CDK8: variants seen among roughly 807,000 people sequenced by gnomAD.
The protein encoded by CDK8 is cyclin dependent kinase 8.
CDK8 carries 29 observed loss-of-function variants against 71.5 expected under a neutral mutation model. The observed-to-expected ratio is 0.41, with a 90% CI of 0.30 to 0.55. The LOEUF (loss-of-function observed/expected upper bound fraction) is 0.55. CDK8 is among the 20% of genes least tolerant of loss of function. The pLI, the probability that CDK8 is intolerant of heterozygous loss-of-function variation, is 0.37. For synonymous variants in CDK8, 161 were observed against 192.1 expected (o/e 0.84, Z 1.34); for missense variants, 288 against 572.6 (o/e 0.50, Z 5.07).
chr13:26,340,120 A>G (rs1873178869), intron 2 of CDK8, among the ~76,000 whole-genome samples: 2 of 152,146 alleles, frequency 1.3e-5, no homozygotes, highest in Admixed American at 1.3e-4. Flanking sequence ...AATGATATTG[A>G]ATTTTATCAA....
intron 1 of CDK8, among the ~76,000 whole-genome samples, chr13:26,274,659 CTGA>C (rs1566467057): frequency 2.0e-5 from 3 of 152,112 alleles, no homozygotes; most frequent in Non-Finnish European, 4.4e-5. Context: ...TCTCATTCTC[CTGA>C]CCTCGTGATC....
At chr13:26,284,328 AAAAC>A (rs1488299335) in intron 1 of CDK8, among the ~76,000 whole-genome samples, 2 of 149,842 alleles carry the variant, frequency 1.3e-5, no homozygotes, top group Non-Finnish European at 2.9e-5. Context: ...CAGATAAACA[AAAAC>A]AAAAGATAAA....
At chr13:26,337,452 A>G in intron 1 of CDK8, 115 bp from the exon 2 acceptor site, 1 of 380,434 alleles carries the variant, frequency 2.6e-6, no homozygotes, top group Non-Finnish European at 4.6e-6. Flanking sequence ...GTATGATTAT[A>G]TTGAATAATG....
rs2138080205 is a variant in CDK8, at chr13:26,404,136, C to T, written c.*55C>T. ...TGCGAATGCTGCAGGGCTGACTGTG[C>T]AGCTCTCTGCGGGAACCTGGTATGG... On this transcript the variant is annotated 3_prime_UTR_variant, in exon 13 of 13. Transcript: ENST00000381527. The T allele has an allele frequency of 3.1e-6, 5 of 1,596,274 alleles. No homozygotes were observed. In the South Asian group the frequency reaches 5.6e-5, roughly 18 times the overall value.
intron 1 of CDK8, among the ~76,000 whole-genome samples, chr13:26,256,561 C>G (rs914140707): frequency 6.6e-6 from 1 of 152,032 alleles, no homozygotes; most frequent in Non-Finnish European, 1.5e-5. Context: ...TTTGTTTTAA[C>G]GTTGTACATT....
At chr13:26,268,277 A>ACACGCG (rs960263419) in intron 1 of CDK8, among the ~76,000 whole-genome samples, 2 of 149,840 alleles carry the variant, frequency 1.3e-5, no homozygotes, top group African/African-American at 4.9e-5. Flanking sequence ...ACACACACAC[A>ACACGCG]CACACACACA....
intron 1 of CDK8, among the ~76,000 whole-genome samples, chr13:26,277,564 G>C (rs960757408): frequency 6.6e-6 from 1 of 152,264 alleles, no homozygotes; most frequent in Admixed American, 6.5e-5. Flanking sequence ...AAGGAGAAAG[G>C]TACCATAGTA....
rs1395367671 is a variant in CDK8, at chr13:26,275,760, T to C, written c.128+20991T>C. ...TTATAAAGGTAGTTTAAATTTTTTA[T>C]TGCTGATTTTTTAGCTTGCTGTCTT... On this transcript the variant is annotated intron_variant, in intron 1 of 12. Transcript: ENST00000381527. Among the ~76,000 whole-genome samples the C allele has an allele frequency of 2.0e-5, 3 of 152,364 alleles. No homozygotes were observed. The East Asian group carries it at 5.8e-4, about 29-fold the overall frequency.
Position 26,401,525 on chromosome 13 carries a change from T to C in CDK8, c.1170T>C (p.Asn390=). ...CTAATGGAACTGGCCACCCAGGGAATCAAGACAGCAGTCACACACAGGGAC... is the reference window on the plus strand; with the variant it reads ...CTAATGGAACTGGCCACCCAGGGAACCAAGACAGCAGTCACACACAGGGAC... ...NHTNGTGHPG[N]QDSSHTQGPP... Residue 390 remains asparagine (N), a synonymous_variant, in exon 12 of 13, where the codon AAT becomes AAC. Coordinates refer to ENST00000381527, the MANE Select transcript of CDK8 (RefSeq NM_001260.3). The surrounding 1 kb of genome is among the most constrained non-coding windows in gnomAD (Gnocchi z 4.5). The C allele has an allele frequency of 6.2e-7, 1 of 1,614,144 alleles. No individual in the cohort carries two copies. The highest frequency in any genetic ancestry group is 1.3e-5 in the African/African-American group (1 of 75,030).
intron 4 of CDK8, among the ~76,000 whole-genome samples, chr13:26,376,487 A>T (rs973071202): frequency 1.6e-4 from 24 of 152,202 alleles, no homozygotes; most frequent in Admixed American, 1.5e-3. Flanking sequence ...AAATATATAC[A>T]CATGTTAATA....
At chr13:26,336,442 C>T (rs1872986221) in intron 1 of CDK8, among the ~76,000 whole-genome samples, 1 of 151,428 alleles carries the variant, frequency 6.6e-6, no homozygotes, top group African/African-American at 2.4e-5. Flanking sequence ...TATAATAAAC[C>T]AAAGCTTGTC....
intron 6 of CDK8, among the ~76,000 whole-genome samples, chr13:26,388,045 T>C (rs1253867218): frequency 6.6e-6 from 1 of 152,234 alleles, no homozygotes; most frequent in Non-Finnish European, 1.5e-5. Context: ...TTCTTGTTAC[T>C]GTGCAGTTAC....
intron 1 of CDK8, among the ~76,000 whole-genome samples, chr13:26,327,958 G>GC (rs1352941902): frequency 7.9e-6 from 1 of 127,386 alleles, no homozygotes; most frequent in Admixed American, 9.8e-5. Context: ...ATATTTAAGA[G>GC]CTGTCTTTTT....
intron 2 of CDK8, 29 bp downstream of exon 2, chr13:26,337,671 T>C (rs566209182): frequency 9.0e-7 from 1 of 1,107,264 alleles, no homozygotes; most frequent in Non-Finnish European, 1.3e-6. Context: ...ATCATCGTTA[T>C]TATCAACTGA....
chr13:26,260,914 C>T (rs965824980), intron 1 of CDK8, among the ~76,000 whole-genome samples: 1 of 152,186 alleles, frequency 6.6e-6, no homozygotes, highest in Non-Finnish European at 1.5e-5. Flanking sequence ...TGAATCCAAT[C>T]CTCATTGTCT....
intron 2 of CDK8, among the ~76,000 whole-genome samples, chr13:26,344,842 G>A (rs895724327): frequency 6.6e-6 from 1 of 151,980 alleles, no homozygotes; most frequent in African/African-American, 2.4e-5. Flanking sequence ...GGACCTGCCT[G>A]AGGATATTTT....
chr13:26,336,977 T>C (rs1013263470), intron 1 of CDK8, among the ~76,000 whole-genome samples: 5 of 151,754 alleles, frequency 3.3e-5, no homozygotes, highest in African/African-American at 1.2e-4. Context: ...TTTAAGCCGG[T>C]AGACACAGAA....
intron 1 of CDK8, among the ~76,000 whole-genome samples, chr13:26,332,119 T>C (rs934742510): frequency 2.0e-5 from 3 of 152,212 alleles, no homozygotes; most frequent in Non-Finnish European, 2.9e-5. Flanking sequence ...TGGATCATTT[T>C]TGATACATAG....
chr13:26,283,820 C>T (rs1283891806), intron 1 of CDK8, among the ~76,000 whole-genome samples: 3 of 151,762 alleles, frequency 2.0e-5, no homozygotes, highest in Non-Finnish European at 4.4e-5. Context: ...ATCACTTGAA[C>T]CCTGGAGGTG....
Sources: allele counts gnomAD v4.1 joint callset (sites outside exome capture counted in the v4.1 genomes callset), GRCh38; gene constraint gnomAD v4.1.1; non-coding constraint Gnocchi (gnomAD v3.1); transcripts MANE v1.5; gene names NCBI Gene and HGNC (gene_info 2026-07-23, HGNC 2026-07-21).